DCDC2: variants seen among roughly 807,000 people sequenced by gnomAD.
DCDC2 encodes the protein doublecortin domain-containing protein 2.
A neutral mutation model predicts 50.2 loss-of-function variants in DCDC2; 40 were observed. That is an observed-to-expected ratio of 0.80 (90% CI 0.62 to 1.04). The LOEUF (loss-of-function observed/expected upper bound fraction) is 1.04, where lower values mean the gene tolerates loss of function less well. Ranked by LOEUF, DCDC2 falls within the 50% of genes least tolerant of loss-of-function variation. The probability of loss-of-function intolerance (pLI) is 0.00; values close to 1 mark genes in which losing one functional copy is unlikely to be tolerated. For synonymous variants in DCDC2, 234 were observed against 210.6 expected, an observed-to-expected ratio of 1.11 and a Z score of -0.96; for missense variants, 570 against 581.9, an observed-to-expected ratio of 0.98 and a Z score of 0.21.
chr6:24,288,382 A>G (rs1763663472), intron 6 of DCDC2, among the ~76,000 whole-genome samples: 1 of 152,250 alleles, frequency 6.6e-6, no homozygotes, highest in African/African-American at 2.4e-5. Flanking sequence ...TTGCTGAATT[A>G]ACAAACCATG....
chr6:24,353,370 C>T (rs1760406884), intron 2 of DCDC2, 199 bp downstream of exon 2: 2 of 649,912 alleles, frequency 3.1e-6, no homozygotes, highest in African/African-American at 1.8e-5. Context: ...TCCTGCACAT[C>T]TTAGAACATC....
At chr6:24,366,268 A>G in the DCDC2 span, among the ~76,000 whole-genome samples, 21 of 152,338 alleles carry the variant, frequency 1.4e-4, no homozygotes, top group Middle Eastern at 6.8e-3. Context: ...GAAGAAAACC[A>G]TAGTTGTTTA....
chr6:24,207,695 T>G (rs954495951), intron 7 of DCDC2, among the ~76,000 whole-genome samples: 8 of 152,164 alleles, frequency 5.3e-5, no homozygotes, highest in Admixed American at 2.0e-4. Context: ...TTTCCAAGAA[T>G]AAGCATGGTG....
intron 2 of DCDC2, among the ~76,000 whole-genome samples, chr6:24,349,660 G>GCT (rs1267182835): frequency 1.3e-5 from 2 of 152,184 alleles, no homozygotes; most frequent in African/African-American, 4.8e-5. Flanking sequence ...GAAGCAAAGA[G>GCT]AGGATTGGGA....
intron 6 of DCDC2, among the ~76,000 whole-genome samples, chr6:24,281,912 ACTTT>A (rs578127214): frequency 6.6e-4 from 101 of 152,328 alleles, no homozygotes; most frequent in African/African-American, 2.3e-3. Context: ...AAATAAATTA[ACTTT>A]CTAAGGGTCT....
intron 2 of DCDC2, among the ~76,000 whole-genome samples, chr6:24,352,406 T>C (rs1226957324): frequency 6.6e-6 from 1 of 152,176 alleles, no homozygotes; most frequent in East Asian, 1.9e-4. Context: ...CTGGTGGTCA[T>C]TCTTTAGCTA....
chr6:24,340,914 TA>T (rs969066333), intron 2 of DCDC2, among the ~76,000 whole-genome samples: 8 of 152,078 alleles, frequency 5.3e-5, no homozygotes, highest in African/African-American at 1.9e-4. Flanking sequence ...TTGGTAGAGA[TA>T]GGGTTTCATC....
rs150295438 is a variant in DCDC2 at position 24,225,142 on chromosome 6, A to G, written c.923-20040T>C. 3.7e-3 allele frequency among the ~76,000 whole-genome samples: 563 copies of G among 152,210 alleles called. 2 individuals carry two copies. The highest frequency in any genetic ancestry group is 0.01 in the Middle Eastern group (3 of 294). ...GGGTCCCTCCCATACCCAGATTTTT[A>G]TAAGTGGTTGCTAGGTCTAAGTCCC... On this transcript the variant is annotated intron_variant, in intron 7 of 9. Coordinates refer to ENST00000378454, the MANE Select transcript of DCDC2 (RefSeq NM_016356.5).
chr6:24,378,536 A>C, the DCDC2 span, among the ~76,000 whole-genome samples: 2 of 152,070 alleles, frequency 1.3e-5, no homozygotes, highest in Non-Finnish European at 2.9e-5. Context: ...TCCCATGTGG[A>C]ATAAAGTTGA....
At chr6:24,381,959 A>G in the DCDC2 span, among the ~76,000 whole-genome samples, 868 of 103,628 alleles carry the variant, frequency 8.4e-3, 8 homozygotes, top group African/African-American at 0.027. Flanking sequence ...AAGGAAAGAA[A>G]GAAGGAAGGA....
Position 24,230,410 on chromosome 6 carries a change from G to A in DCDC2, c.923-25308C>T, listed in dbSNP as rs540043634. On this transcript the variant is annotated intron_variant, in intron 7 of 9. Coordinates refer to ENST00000378454, the MANE Select transcript of DCDC2 (RefSeq NM_016356.5). ...TAATCCCAGCATTTTGGGAGGCTGA[G>A]GTGGGTGAATCACTTGAGCGCAGGA... 2.0e-5 allele frequency among the ~76,000 whole-genome samples: 3 copies of A among 152,288 alleles called. No individual in the cohort carries two copies. The East Asian group carries it at 5.8e-4, about 29-fold the overall frequency.
chr6:24,377,238 G>A, the DCDC2 span, among the ~76,000 whole-genome samples: 3 of 152,272 alleles, frequency 2.0e-5, 1 homozygote, highest in Admixed American at 2.0e-4. Flanking sequence ...ATAGCATGTA[G>A]ATGTGAACAA....
chr6:24,372,741 G>A, the DCDC2 span, among the ~76,000 whole-genome samples: 1 of 151,548 alleles, frequency 6.6e-6, no homozygotes, highest in Non-Finnish European at 1.5e-5. Context: ...ACAGGAAGGG[G>A]AACATCACAC....
chr6:24,369,737 T>C, the DCDC2 span, among the ~76,000 whole-genome samples: 2 of 152,128 alleles, frequency 1.3e-5, no homozygotes, highest in South Asian at 2.1e-4. Flanking sequence ...AGCACAAAAT[T>C]ATGTGATAAA....
chr6:24,248,351 G>C (rs1224645157), intron 7 of DCDC2, among the ~76,000 whole-genome samples: 1 of 152,136 alleles, frequency 6.6e-6, no homozygotes, highest in Non-Finnish European at 1.5e-5. Flanking sequence ...CAAGTTACAT[G>C]GTCTGAACCT....
At chr6:24,297,358 G>T (rs1011575367) in intron 4 of DCDC2, among the ~76,000 whole-genome samples, 1 of 152,046 alleles carries the variant, frequency 6.6e-6, no homozygotes. Flanking sequence ...TAACTATTGG[G>T]TACTAGGCTT....
At chr6:24,221,735 T>A (rs988548156) in intron 7 of DCDC2, among the ~76,000 whole-genome samples, 1 of 152,246 alleles carries the variant, frequency 6.6e-6, no homozygotes, top group Non-Finnish European at 1.5e-5. Context: ...ACTTTATGGA[T>A]AAGGAACTTG....
chr6:24,225,424 C>T (rs1259056940), intron 7 of DCDC2, among the ~76,000 whole-genome samples: 4 of 152,078 alleles, frequency 2.6e-5, no homozygotes, highest in African/African-American at 9.7e-5. Context: ...CACACACACA[C>T]AAATATGTGT....
Position 24,319,793 on chromosome 6 carries a change from A to C in DCDC2, c.349-17749T>G, listed in dbSNP as rs931057258. Among the ~76,000 whole-genome samples the C allele has an allele frequency of 2.0e-4, 30 of 152,188 alleles. 1 individual carries two copies. The highest frequency in any genetic ancestry group is 4.1e-4 in the Non-Finnish European group (28 of 68,032). On this transcript the variant is annotated intron_variant, in intron 2 of 9. Coordinates refer to ENST00000378454, the MANE Select transcript of DCDC2 (RefSeq NM_016356.5). ...AGAGAATGGACAGGAAATAAGTAGA[A>C]GTAATGGGTAGTGTGTGGGTAGGAA...
Sources: gnomAD v4.1 joint callset for allele counts (sites outside exome capture counted in the v4.1 genomes callset) on GRCh38, gnomAD v4.1.1 for gene constraint, MANE v1.5 for transcripts, NCBI Gene and HGNC (gene_info 2026-07-23, HGNC 2026-07-21) for gene names.